Variants in CD58 observed in about 807,000 individuals in gnomAD.
CD58 encodes CD58 molecule.
A neutral mutation model predicts 27.6 loss-of-function variants in CD58; 14 were observed. That is an observed-to-expected ratio of 0.51 (90% CI 0.34 to 0.79). CD58 has a LOEUF of 0.79. Among genes scored for constraint, CD58 ranks in the 30% least tolerant of loss-of-function variants. The pLI is 0.02. For missense variants in CD58, 268 were observed against 301.7 expected (o/e 0.89, Z 0.83); for synonymous variants, 117 against 103.8 (o/e 1.13, Z -0.77).
chr1:116,549,651 GATCAT>G (rs1658322504), intron 1 of CD58, among the ~76,000 whole-genome samples: 1 of 152,078 alleles, frequency 6.6e-6, no homozygotes, highest in Non-Finnish European at 1.5e-5. Context: ...AATGAAAAAC[GATCAT>G]ATAAGTATTT....
At chr1:116,558,153 CAAAAA>C (rs34264439) in intron 1 of CD58, among the ~76,000 whole-genome samples, 1 of 95,186 alleles carries the variant, frequency 1.1e-5, no homozygotes. Flanking sequence ...TTCATTTGAC[CAAAAA>C]AAAAAAAAAA....
At chr1:116,553,155 A>C (rs542564045) in intron 1 of CD58, among the ~76,000 whole-genome samples, 1 of 150,758 alleles carries the variant, frequency 6.6e-6, no homozygotes, top group African/African-American at 2.4e-5. Flanking sequence ...TTTTTGTATT[A>C]GATTGTTTGT....
At position 116,563,441 on chromosome 1, in the gene CD58, G is replaced by T. The variant is rs1009274983; in HGVS notation, c.70+7462C>A. Among the ~76,000 whole-genome samples, 1 of 152,172 alleles carries T rather than the reference G, an allele frequency of 6.6e-6. No homozygotes were observed. Among genetic ancestry groups the T allele is most frequent in the Non-Finnish European group, 1.5e-5 (1 of 68,032 alleles). On this transcript the variant is annotated intron_variant, in intron 1 of 5. Transcript: ENST00000369489. The surrounding 1 kb of genome is among the most constrained non-coding windows in gnomAD (Gnocchi z 4.1). Reference sequence around the variant, plus strand: ...TAGGCGGTGCCCCAGTGGGGACTCTGTGTGGGGGCTCCAACTCCACATTTC... The same window carrying T: ...TAGGCGGTGCCCCAGTGGGGACTCTTTGTGGGGGCTCCAACTCCACATTTC...
intron 1 of CD58, among the ~76,000 whole-genome samples, chr1:116,556,371 T>C (rs1298051862): frequency 4.0e-5 from 1 of 25,158 alleles, no homozygotes; most frequent in Non-Finnish European, 8.6e-5. Flanking sequence ...TGTTAAGTAA[T>C]GAAGCCAGAT....
At position 116,532,252 on chromosome 1, in the gene CD58, A is replaced by G. The variant is rs1246283405; in HGVS notation, c.628+3713T>C. On this transcript the variant is annotated intron_variant, in intron 3 of 5. Coordinates refer to ENST00000369489, the MANE Select transcript of CD58 (RefSeq NM_001779.3). The surrounding 1 kb of genome is among the most constrained non-coding windows in gnomAD (Gnocchi z 5.1). ...CCAGGGTGGTTCAGAAATGGCAAGG[A>G]CGAGCGACAGCAAAAGGCCGCAGTC... Among the ~76,000 whole-genome samples the G allele has an allele frequency of 6.6e-6, 1 of 152,248 alleles. No homozygotes were observed. The highest frequency in any genetic ancestry group is 2.4e-5 in the African/African-American group (1 of 41,458).
At chr1:116,535,840 CAAA>C (rs35445069) in intron 3 of CD58, 122 bp downstream of exon 3, 5,716 of 149,110 alleles carry the variant, frequency 0.038, no homozygotes, top group Middle Eastern at 0.051. Context: ...GACTCTGTCT[CAAA>C]AAAAAAAAAA....
rs1372174912 is a variant in CD58 at position 116,536,275 on chromosome 1, G to A, written c.365-47C>T. The A allele has an allele frequency of 6.9e-7, 1 of 1,446,808 alleles. No homozygotes were observed. The highest frequency in any genetic ancestry group is 9.3e-7 in the Non-Finnish European group (1 of 1,070,270). The allele number at this position is 1,446,808 out of a possible 1,614,324, so 89.6% of individuals were successfully genotyped here. ...TTAGTACAGAAAATAGTAATATTTAGACTTATCATCTGCAAATTTATGAAG... is the reference window on the plus strand; with the variant it reads ...TTAGTACAGAAAATAGTAATATTTAAACTTATCATCTGCAAATTTATGAAG... On this transcript the variant is annotated intron_variant, in intron 2 of 5. Coordinates refer to ENST00000369489, the MANE Select transcript of CD58 (RefSeq NM_001779.3). The surrounding 1 kb of genome is among the most constrained non-coding windows in gnomAD (Gnocchi z 5.4).
rs2101155891 is a variant in CD58, at chr1:116,521,951, T to C, written c.661A>G (p.Ile221Val). Residue 221 changes from isoleucine (I) to valine (V), a missense_variant, in exon 4 of 6, where the codon ATA becomes GTA. Coordinates refer to ENST00000369489, the MANE Select transcript of CD58 (RefSeq NM_001779.3). The surrounding 1 kb of genome is among the most constrained non-coding windows in gnomAD (Gnocchi z 5.6). ...CATGTTGTAATTACTGCTAATGGTA[T>C]GGGTATAAGTGCATATCTGTGTCTT... ...HSRHRYALIP[I>V]PLAVITTCIV... 1.3e-6 allele frequency: 2 copies of C among 1,583,504 alleles called. No individual in the cohort carries two copies. The highest frequency in any genetic ancestry group is 1.7e-6 in the Non-Finnish European group (2 of 1,154,590).
chr1:116,544,586 G>T lies in CD58; in HGVS notation c.89C>A (p.Ser30Tyr), dbSNP rs150501186. 394 of 1,577,430 alleles carry T rather than the reference G, an allele frequency of 2.5e-4. 1 individual carries two copies. The African/African-American group carries it at 5.1e-3, about 20-fold the overall frequency. ...ATACACAACACCATATATTTGTTGGGAAAAACAGCTGATGAAACCTAGGAG... is the reference window on the plus strand; with the variant it reads ...ATACACAACACCATATATTTGTTGGTAAAAACAGCTGATGAAACCTAGGAG... ...LHCFGFISCFSQQIYGVVYGN... is the reference protein window; with the variant it reads ...LHCFGFISCFYQQIYGVVYGN... Residue 30 changes from serine to tyrosine, a missense_variant, in exon 2 of 6, where the codon TCC becomes TAC. Coordinates refer to ENST00000369489, the MANE Select transcript of CD58 (RefSeq NM_001779.3).
intron 1 of CD58, among the ~76,000 whole-genome samples, chr1:116,565,113 C>T (rs1658888037): frequency 6.6e-6 from 1 of 152,204 alleles, no homozygotes; most frequent in African/African-American, 2.4e-5. Context: ...CCTTTTCTCT[C>T]CTCTACAGAC....
At chr1:116,548,550 A>C (rs991546105) in intron 1 of CD58, among the ~76,000 whole-genome samples, 1 of 152,202 alleles carries the variant, frequency 6.6e-6, no homozygotes, top group Non-Finnish European at 1.5e-5. Flanking sequence ...TCTCTAGCTT[A>C]ATTTAGTGTA....
intron 1 of CD58, among the ~76,000 whole-genome samples, chr1:116,569,831 G>T (rs1659072382): frequency 6.6e-6 from 1 of 152,056 alleles, no homozygotes; most frequent in African/African-American, 2.4e-5. Flanking sequence ...CCGATTCCTG[G>T]CCTCAAGTGA....
chr1:116,536,030 G>A lies in CD58; in HGVS notation c.563C>T (p.Thr188Ile). ...TGTATTAAATAATGGATTGCTAAGA[G>A]TACACTGTATTTTTTGTGGAAGATC... ...ENDLPQKIQCTLSNPLFNTTS... is the reference protein window; with the variant it reads ...ENDLPQKIQCILSNPLFNTTS... Residue 188 changes from threonine to isoleucine, a missense_variant, in exon 3 of 6, where the codon ACT (threonine) becomes ATT (isoleucine). Coordinates refer to ENST00000369489, the MANE Select transcript of CD58 (RefSeq NM_001779.3). This position sits in a 1 kb window ranked among gnomAD's most constrained non-coding sequence, Gnocchi z 5.4. 6.2e-7 allele frequency: 1 copy of A among 1,612,590 alleles called. No individual in the cohort carries two copies. Among genetic ancestry groups the A allele is most frequent in the Non-Finnish European group, 8.5e-7 (1 of 1,178,972 alleles).
At chr1:116,518,053 T>G (rs1309840697) in intron 5 of CD58, among the ~76,000 whole-genome samples, 2 of 152,206 alleles carry the variant, frequency 1.3e-5, no homozygotes, top group African/African-American at 4.8e-5. Flanking sequence ...TATTAATATA[T>G]TTTGACACAG....
intron 1 of CD58, among the ~76,000 whole-genome samples, chr1:116,551,738 CTTTTTTTT>C (rs1298283594): frequency 7.7e-6 from 1 of 129,738 alleles, no homozygotes; most frequent in African/African-American, 2.8e-5. Context: ...TTCTTTCTTT[CTTTTTTTT>C]TTTTTTTCTT....
chr1:116,514,895 C>T (rs1571052563), intron 5 of CD58, 73 bp from the exon 6 acceptor site: 1 of 1,035,070 alleles, frequency 9.7e-7, no homozygotes, highest in South Asian at 1.4e-5. Context: ...GTCTTAATTA[C>T]CCTCCTATTC....
At position 116,536,818 on chromosome 1, in the gene CD58, C is replaced by G. The variant is rs797617; in HGVS notation, c.365-590G>C. Among the ~76,000 whole-genome samples, 4 of 152,126 alleles carry G rather than the reference C, an allele frequency of 2.6e-5. No individual in the cohort carries two copies. The highest frequency in any genetic ancestry group is 6.5e-5 in the Admixed American group (1 of 15,282). The stretch of plus-strand genomic sequence containing the variant: ...AATCCCTTATCCTCAATTCTTAAAT[C>G]AAAAAATCTCTGAAGCCAAAAGAGT... On this transcript the variant is annotated intron_variant, in intron 2 of 5. Transcript: ENST00000369489. The surrounding 1 kb of genome is among the most constrained non-coding windows in gnomAD (Gnocchi z 5.4).
In CD58 at chr1:116,519,207, G is replaced by T; in HGVS notation, c.743+24C>A. The T allele has an allele frequency of 6.2e-7, 1 of 1,612,246 alleles. No homozygotes were observed. The highest frequency in any genetic ancestry group is 8.5e-7 in the Non-Finnish European group (1 of 1,179,074). ...AGGGCTGCTGTTGTTCTGGCACAGA[G>T]TGCACAGCCTGCAGTGTACTTACTT... On this transcript the variant is annotated intron_variant, in intron 5 of 5. Transcript: ENST00000369489. The surrounding 1 kb of genome is among the most constrained non-coding windows in gnomAD (Gnocchi z 4.7).
intron 5 of CD58, 62 bp from the exon 6 acceptor site, chr1:116,514,884 A>C: frequency 8.6e-7 from 1 of 1,163,930 alleles, no homozygotes; most frequent in Non-Finnish European, 1.3e-6. Context: ...GCAGACCAGG[A>C]GTCTTAATTA....
Sources: gnomAD v4.1 joint callset for allele counts (sites outside exome capture counted in the v4.1 genomes callset) on GRCh38, gnomAD v4.1.1 for gene constraint, Gnocchi (gnomAD v3.1) non-coding constraint, MANE v1.5 for transcripts, NCBI Gene and HGNC (gene_info 2026-07-23, HGNC 2026-07-21) for gene names.